SEPTIN8: variants seen among roughly 807,000 people sequenced by gnomAD.
The protein encoded by SEPTIN8 is septin 8, also known as septin-8.
In SEPTIN8, 22 loss-of-function variants were observed where a neutral mutation model predicts 53.1. The ratio of observed to expected loss-of-function variants is 0.41; its 90% CI spans 0.30 to 0.59. The LOEUF is 0.59. SEPTIN8 is among the 20% of genes least tolerant of loss of function. The probability of loss-of-function intolerance (pLI) is 0.24; values close to 1 mark genes in which losing one functional copy is unlikely to be tolerated. For synonymous variants in SEPTIN8, 228 were observed against 248.4 expected, an observed-to-expected ratio of 0.92 and a Z score of 0.77; for missense variants, 536 against 638.7, an observed-to-expected ratio of 0.84 and a Z score of 1.73.
chr5:132,753,006 G>C, intron 9 of SEPTIN8: 1 of 1,504,290 alleles, frequency 6.6e-7, no homozygotes. Context: ...TCAGAGCATA[G>C]TGTGAAACCT....
At chr5:132,771,110 G>A (rs1414767071) in intron 1 of SEPTIN8, among the ~76,000 whole-genome samples, 1 of 152,192 alleles carries the variant, frequency 6.6e-6, no homozygotes, top group Non-Finnish European at 1.5e-5. Context: ...TTCCTGATAG[G>A]AAATGCTCTG....
upstream of SEPTIN8, chr5:132,777,880 T>C (rs1006220818): frequency 5.1e-6 from 5 of 985,472 alleles, no homozygotes; most frequent in Non-Finnish European, 3.6e-6. This position sits in a 1 kb window ranked among gnomAD's most constrained non-coding sequence, Gnocchi z 4.1. Context: ...GGATGCGCAG[T>C]TTAGGCTGGG....
intron 9 of SEPTIN8, chr5:132,758,493 G>C: frequency 6.2e-7 from 1 of 1,612,534 alleles, no homozygotes; most frequent in Non-Finnish European, 8.5e-7. Flanking sequence ...GCCTTCGCTA[G>C]AGCGGCACAT....
At chr5:132,759,819 T>C (rs1369755011) in intron 9 of SEPTIN8, among the ~76,000 whole-genome samples, 1 of 152,034 alleles carries the variant, frequency 6.6e-6, no homozygotes, top group Non-Finnish European at 1.5e-5. Flanking sequence ...AGCATGGCTG[T>C]GAATGAGGTG....
chr5:132,763,827 A>G lies in SEPTIN8; in HGVS notation c.413T>C (p.Ile138Thr). 1.2e-6 allele frequency: 2 copies of G among 1,610,818 alleles called. No homozygotes were observed. The highest frequency in any genetic ancestry group is 1.7e-6 in the Non-Finnish European group (2 of 1,178,416). ...FENYLQEELK[I>T]RRSLFDYHDT... ...ATGGTAGTCGAAGAGCGAGCGGCGG[A>G]TCTTCAGCTCCTCCTGCAGATAATT... is the stretch of plus-strand genomic sequence containing the variant. Residue 138 changes from isoleucine (I) to threonine (T), a missense_variant, in exon 4 of 10, where the codon ATC (isoleucine) becomes ACC (threonine). Physicochemically the swap from Ile to Thr is moderately conservative, Grantham distance 89. Transcript: ENST00000378719.
In SEPTIN8 at chr5:132,762,574, C is replaced by A; in HGVS notation, c.606G>T (p.Lys202Asn). 6.2e-7 allele frequency: 1 copy of A among 1,614,216 alleles called. No homozygotes were observed. Among genetic ancestry groups the A allele is most frequent in the Non-Finnish European group, 8.5e-7 (1 of 1,180,028 alleles). The stretch of plus-strand genomic sequence containing the variant: ...CGTTGCTGACCAACTCGCCCATGAT[C>A]TTGATCTTGAACTTGTGGAGCTCGC... ...SKSELHKFKI[K>N]IMGELVSNGV... The change falls in exon 5 of 10, where the codon AAG (lysine) becomes AAT (asparagine). Residue 202 changes from lysine to asparagine, a missense_variant. Physicochemically the swap from Lys to Asn is moderately conservative, Grantham distance 94 (BLOSUM62 0). This residue lies in a region of SEPTIN8 where 395 missense variants were observed against 451.8 expected (regional missense o/e 0.87). Coordinates refer to ENST00000378719, the MANE Select transcript of SEPTIN8 (RefSeq NM_001098811.2).
chr5:132,751,387 T>C lies in SEPTIN8; in HGVS notation c.*629A>G, dbSNP rs1382821347. The C allele has an allele frequency of 1.6e-5, 3 of 190,116 alleles. No individual in the cohort carries two copies. Among genetic ancestry groups the C allele is most frequent in the Admixed American group, 1.1e-4 (2 of 18,526 alleles). The allele number at this position is 190,116 out of a possible 1,614,324, so 11.8% of individuals were successfully genotyped here. On this transcript the variant is annotated 3_prime_UTR_variant, in exon 10 of 10. Transcript: ENST00000378719. ...TCTTTATTCACCTACACACAATCCT[T>C]ATTGAAGCTTTAGACCATATTGATC... is the stretch of plus-strand genomic sequence containing the variant.
chr5:132,772,683 T>A (rs1250681112), intron 1 of SEPTIN8, among the ~76,000 whole-genome samples: 2 of 152,172 alleles, frequency 1.3e-5, no homozygotes, highest in African/African-American at 4.8e-5. Flanking sequence ...GACGGAGGAA[T>A]GCATGGGCAC....
Position 132,777,177 on chromosome 5 carries a change from A to G in SEPTIN8, c.-40T>C. Reference sequence around the variant, plus strand: ...CGGGCGGGTGGGCTGGGACGAGCGCAGGGGCAGCGACAGGGACCAGCCGGC... The same window carrying G: ...CGGGCGGGTGGGCTGGGACGAGCGCGGGGGCAGCGACAGGGACCAGCCGGC... On this transcript the variant is annotated 5_prime_UTR_variant, in exon 1 of 10. Transcript: ENST00000378719. The surrounding 1 kb of genome is among the most constrained non-coding windows in gnomAD (Gnocchi z 4.1). 2 of 1,164,584 alleles carry G rather than the reference A, an allele frequency of 1.7e-6. No individual in the cohort carries two copies. Among genetic ancestry groups the G allele is most frequent in the East Asian group, 3.9e-5 (1 of 25,714 alleles). The allele number at this position is 1,164,584 out of a possible 1,614,324, so 72.1% of individuals were successfully genotyped here. A position where few individuals can be genotyped will look rare whatever the true frequency, so the allele number is the denominator to read the frequency against.
At chr5:132,777,616 A>C, upstream of SEPTIN8, 4 of 984,878 alleles carry the variant, frequency 4.1e-6, no homozygotes, top group Non-Finnish European at 4.8e-6. This position sits in a 1 kb window ranked among gnomAD's most constrained non-coding sequence, Gnocchi z 4.1. Flanking sequence ...CGCCCTAGAG[A>C]TCTCCCCCAC....
chr5:132,778,292 T>C (rs1485419887), upstream of SEPTIN8: 2 of 156,476 alleles, frequency 1.3e-5, no homozygotes, highest in Non-Finnish European at 2.8e-5. Context: ...CTCACCCCAG[T>C]ATGCTGAGAA....
In SEPTIN8 at chr5:132,751,075, C is replaced by A; in HGVS notation, c.*941G>T. 6.5e-7 allele frequency: 1 copy of A among 1,548,070 alleles called. No homozygotes were observed. Among genetic ancestry groups the A allele is most frequent in the Non-Finnish European group, 8.8e-7 (1 of 1,135,904 alleles). Reference sequence around the variant, plus strand: ...AACAGCTGTTTACAACATGGGATGGCAAAGCACAGGCGTGCACACGCCCTT... The same window carrying A: ...AACAGCTGTTTACAACATGGGATGGAAAAGCACAGGCGTGCACACGCCCTT... On this transcript the variant is annotated 3_prime_UTR_variant, in exon 10 of 10. Transcript: ENST00000378719.
At position 132,770,137 on chromosome 5, in the gene SEPTIN8, A is replaced by G. The variant is rs803142; in HGVS notation, c.31-4608T>C. 3.0e-3 allele frequency among the ~76,000 whole-genome samples: 201 copies of G among 66,774 alleles called. 2 individuals carry two copies. The African/African-American group carries it at 0.035, about 12-fold the overall frequency. The allele number at this position is 66,774 out of a possible 152,430, so 43.8% of individuals were successfully genotyped here. On this transcript the variant is annotated intron_variant, in intron 1 of 9. Transcript: ENST00000378719. The stretch of plus-strand genomic sequence containing the variant: ...TATATATATATATGTATATATGTGT[A>G]TGTGTGTGTATATATATATATATAT...
At chr5:132,763,577 A>T in intron 4 of SEPTIN8, 129 bp downstream of exon 4, 1 of 800,362 alleles carries the variant, frequency 1.2e-6, no homozygotes, top group Non-Finnish European at 2.1e-6. Context: ...GGACCGAGCC[A>T]ATGGGGGGCC....
At chr5:132,755,479 C>T (rs547377689) in intron 9 of SEPTIN8, among the ~76,000 whole-genome samples, 3 of 152,058 alleles carry the variant, frequency 2.0e-5, no homozygotes, top group Non-Finnish European at 1.5e-5. Flanking sequence ...AGACTACCAG[C>T]GTTCAAATCT....
chr5:132,778,096 A>G, upstream of SEPTIN8: 3 of 985,284 alleles, frequency 3.0e-6, no homozygotes, highest in Non-Finnish European at 3.6e-6. Flanking sequence ...CCAGGGTCGG[A>G]GGCCTCAGGA....
At position 132,761,885 on chromosome 5, in the gene SEPTIN8, G is replaced by A; in HGVS notation, c.708C>T (p.Pro236=). 6.3e-7 allele frequency: 1 copy of A among 1,593,908 alleles called. No individual in the cohort carries two copies. The highest frequency in any genetic ancestry group is 2.3e-5 in the East Asian group (1 of 43,956). Residue 236 remains proline (P), a synonymous_variant, in exon 6 of 10, where the codon CCC becomes CCT. Transcript: ENST00000378719. The surrounding 1 kb of genome is among the most constrained non-coding windows in gnomAD (Gnocchi z 5.8). ...CCTCGGTGCTGCCCACCACGGCAAAGGGCAGATGTGCCTGGAAAGGGGCCC... is the reference window on the plus strand; with the variant it reads ...CCTCGGTGCTGCCCACCACGGCAAAAGGCAGATGTGCCTGGAAAGGGGCCC... ...EINAVMNAHL[P]FAVVGSTEEV...
intron 9 of SEPTIN8, chr5:132,756,541 G>A (rs373662085): frequency 2.0e-6 from 2 of 985,306 alleles, no homozygotes; most frequent in African/African-American, 3.5e-5. Flanking sequence ...ACATTCTATG[G>A]GGGCTAACTT....
chr5:132,769,559 C>T (rs1756959420), intron 1 of SEPTIN8, among the ~76,000 whole-genome samples: 1 of 152,198 alleles, frequency 6.6e-6, no homozygotes, highest in Admixed American at 6.5e-5. Context: ...GTATTGCATG[C>T]TTGCTTTGCG....
Sources: allele counts gnomAD v4.1 joint callset (sites outside exome capture counted in the v4.1 genomes callset), GRCh38; gene constraint gnomAD v4.1.1; regional missense constraint gnomAD v4.1.1; non-coding constraint Gnocchi (gnomAD v3.1); transcripts MANE v1.5; gene names NCBI Gene and HGNC (gene_info 2026-07-23, HGNC 2026-07-21).